The following LSAMP variants were observed in gnomAD, a reference collection of about 807,000 sequenced individuals.
LSAMP encodes the protein limbic system-associated membrane protein.
In LSAMP, 7 loss-of-function variants were observed where a neutral mutation model predicts 38.6. The observed-to-expected ratio is 0.18, with a 90% CI of 0.10 to 0.34. LSAMP has a LOEUF of 0.34. LSAMP is among the 10% of genes least tolerant of loss of function. The pLI is 1.00. For synonymous variants in LSAMP, 154 were observed against 166.8 expected, an observed-to-expected ratio of 0.92 and a Z score of 0.59; for missense variants, 313 against 420.0, an observed-to-expected ratio of 0.75 and a Z score of 2.23.
intron 1 of LSAMP, among the ~76,000 whole-genome samples, chr3:116,270,046 A>G (rs2046949369): frequency 6.6e-6 from 1 of 151,908 alleles, no homozygotes; most frequent in Non-Finnish European, 1.5e-5. Flanking sequence ...CATCAACCCT[A>G]CCTCCCACCT....
At chr3:116,274,121 A>G (rs2047016487) in intron 1 of LSAMP, among the ~76,000 whole-genome samples, 1 of 152,094 alleles carries the variant, frequency 6.6e-6, no homozygotes, top group South Asian at 2.1e-4. Context: ...TTCAAAGTTA[A>G]CATTTCCCCC....
At chr3:115,982,872 C>CTCCCATGGG (rs1037125535) in intron 3 of LSAMP, among the ~76,000 whole-genome samples, 4 of 149,700 alleles carry the variant, frequency 2.7e-5, no homozygotes, top group African/African-American at 9.8e-5. Context: ...TCTCAGCCTC[C>CTCCCATGGG]TCCCATGGGT....
chr3:116,381,953 C>T (rs967363358), intron 1 of LSAMP, among the ~76,000 whole-genome samples: 3 of 151,872 alleles, frequency 2.0e-5, no homozygotes, highest in African/African-American at 4.8e-5. Flanking sequence ...TTTTGTACAG[C>T]GTTTGAGACA....
chr3:115,873,047 A>G (rs756603143), intron 3 of LSAMP, among the ~76,000 whole-genome samples: 3 of 152,130 alleles, frequency 2.0e-5, no homozygotes, highest in Non-Finnish European at 4.4e-5. Flanking sequence ...GTTTTTCACA[A>G]ATATAAAGCT....
chr3:116,018,605 T>G (rs760465422), intron 3 of LSAMP, among the ~76,000 whole-genome samples: 1 of 152,310 alleles, frequency 6.6e-6, no homozygotes, highest in South Asian at 2.1e-4. Context: ...TTCTGGAAGA[T>G]TTAAATAGAA....
rs536797900 is a variant in LSAMP at position 116,408,354 on chromosome 3, A to G, written c.155+36523T>C. 3.7e-4 allele frequency among the ~76,000 whole-genome samples: 57 copies of G among 152,248 alleles called. 1 individual carries two copies. The highest frequency in any genetic ancestry group is 3.7e-3 in the South Asian group (18 of 4,824). On this transcript the variant is annotated intron_variant, in intron 1 of 6. Transcript: ENST00000490035. ...TTTTCATTCTTTGGAGAAATTAACT[A>G]AAATCAAAAATTTATTTGAAATTGA...
At chr3:116,126,650 C>A (rs1709014969) in intron 1 of LSAMP, among the ~76,000 whole-genome samples, 1 of 151,958 alleles carries the variant, frequency 6.6e-6, no homozygotes. Context: ...TCACTTGAGG[C>A]CAGGAGGTCG....
At chr3:116,253,315 G>T (rs1036934975) in intron 1 of LSAMP, among the ~76,000 whole-genome samples, 4 of 152,138 alleles carry the variant, frequency 2.6e-5, no homozygotes, top group African/African-American at 9.7e-5. Context: ...AAAACAAGAG[G>T]TGATATTTTC....
chr3:116,437,407 A>T (rs771916884), intron 1 of LSAMP, among the ~76,000 whole-genome samples: 14 of 152,262 alleles, frequency 9.2e-5, no homozygotes, highest in South Asian at 2.1e-4. Flanking sequence ...ATGGAAAAAA[A>T]AATAATAAAA....
At chr3:116,218,085 C>A (rs538434035) in intron 1 of LSAMP, among the ~76,000 whole-genome samples, 1 of 152,066 alleles carries the variant, frequency 6.6e-6, no homozygotes, top group African/African-American at 2.4e-5. Context: ...GGTCTTGGTA[C>A]TCAGGAATGA....
At chr3:115,878,328 C>A (rs72953491) in intron 3 of LSAMP, among the ~76,000 whole-genome samples, 8,780 of 151,554 alleles carry the variant, frequency 0.058, 822 homozygotes, top group African/African-American at 0.2. Flanking sequence ...TTAAGAAACA[C>A]AATGATGAAG....
intron 1 of LSAMP, among the ~76,000 whole-genome samples, chr3:116,397,490 T>A (rs2048784196): frequency 6.6e-6 from 1 of 151,100 alleles, no homozygotes; most frequent in Non-Finnish European, 1.5e-5. Flanking sequence ...TAACATAATA[T>A]TTACTTATTT....
intron 3 of LSAMP, among the ~76,000 whole-genome samples, chr3:115,975,702 T>A (rs1939165942): frequency 6.6e-6 from 1 of 152,174 alleles, no homozygotes; most frequent in Non-Finnish European, 1.5e-5. Context: ...AAGCATTGAC[T>A]GTTTTTTTCC....
At chr3:116,050,684 G>A (rs1429188859) in intron 2 of LSAMP, among the ~76,000 whole-genome samples, 1 of 152,186 alleles carries the variant, frequency 6.6e-6, no homozygotes, top group African/African-American at 2.4e-5. Flanking sequence ...CCTAGCCAAG[G>A]TTTTAATAGC....
chr3:116,152,840 A>T (rs1709643304), intron 1 of LSAMP, among the ~76,000 whole-genome samples: 1 of 152,100 alleles, frequency 6.6e-6, no homozygotes, highest in South Asian at 2.1e-4. Flanking sequence ...TAAAGTTATA[A>T]ACAGACCAGT....
intron 3 of LSAMP, among the ~76,000 whole-genome samples, chr3:115,885,156 T>C (rs562877383): frequency 6.6e-6 from 1 of 152,124 alleles, no homozygotes; most frequent in Non-Finnish European, 1.5e-5. Flanking sequence ...AGTACTTAAA[T>C]TTAACACCTG....
In LSAMP at chr3:115,930,966, G is replaced by T. The variant is rs190261171; in HGVS notation, c.515-78349C>A. 2.7e-3 allele frequency among the ~76,000 whole-genome samples: 404 copies of T among 152,276 alleles called. 2 individuals are homozygous for T. Among genetic ancestry groups the T allele is most frequent in the African/African-American group, 9.3e-3 (386 of 41,568 alleles). On this transcript the variant is annotated intron_variant, in intron 3 of 6. Coordinates refer to ENST00000490035, the MANE Select transcript of LSAMP (RefSeq NM_002338.5). The stretch of plus-strand genomic sequence containing the variant: ...AAAAATTACATAAATTGTTTGAAAA[G>T]AAATACTCGTAAATTGAAGCCAGTC...
chr3:115,995,830 G>A (rs1439077321), intron 3 of LSAMP, among the ~76,000 whole-genome samples: 1 of 151,970 alleles, frequency 6.6e-6, no homozygotes, highest in Non-Finnish European at 1.5e-5. Flanking sequence ...TTTATTTGGA[G>A]CTGGTGAGGA....
At position 116,282,116 on chromosome 3, in the gene LSAMP, C is replaced by T. The variant is rs548735992; in HGVS notation, c.155+162761G>A. ...GGTAATTTTGGTAAACTTCCATGCT[C>T]GGAAAACAGACTGCGCTCATGCTGG... On this transcript the variant is annotated intron_variant, in intron 1 of 6. Coordinates refer to ENST00000490035, the MANE Select transcript of LSAMP (RefSeq NM_002338.5). Among the ~76,000 whole-genome samples, 5 of 152,240 alleles carry T rather than the reference C, an allele frequency of 3.3e-5. No individual in the cohort carries two copies. The East Asian group carries it at 5.8e-4, about 18-fold the overall frequency.
Sources: gnomAD v4.1 joint callset for allele counts (sites outside exome capture counted in the v4.1 genomes callset) on GRCh38, gnomAD v4.1.1 for gene constraint, MANE v1.5 for transcripts, NCBI Gene and HGNC (gene_info 2026-07-23, HGNC 2026-07-21) for gene names.